The following NRXN3 variants were observed in gnomAD, a reference collection of about 807,000 sequenced individuals.
NRXN3 encodes neurexin 3.
In NRXN3, 32 loss-of-function variants were observed where a neutral mutation model predicts 137.6. That is an observed-to-expected ratio of 0.23 (90% CI 0.18 to 0.31). NRXN3 has a LOEUF of 0.31. Among genes scored for constraint, NRXN3 ranks in the 10% least tolerant of loss-of-function variants. NRXN3 has a pLI of 1.00. For synonymous variants in NRXN3, 798 were observed against 784.5 expected, an observed-to-expected ratio of 1.02 and a Z score of -0.29; for missense variants, 1,574 against 2,062.5, an observed-to-expected ratio of 0.76 and a Z score of 4.59.
intron 4 of NRXN3, among the ~76,000 whole-genome samples, chr14:78,439,953 G>A (rs1421395444): frequency 6.6e-6 from 1 of 152,134 alleles, no homozygotes; most frequent in Non-Finnish European, 1.5e-5. Context: ...ATGCCAGGAA[G>A]GTGGCCTGGC....
chr14:79,754,377 T>C (rs1411013577), intron 19 of NRXN3, among the ~76,000 whole-genome samples: 2 of 150,832 alleles, frequency 1.3e-5, no homozygotes, highest in East Asian at 2.0e-4. Context: ...AGGGAGGATG[T>C]GTATAGATTA....
chr14:79,276,255 G>A (rs938021003), intron 15 of NRXN3, among the ~76,000 whole-genome samples: 5 of 152,150 alleles, frequency 3.3e-5, no homozygotes, highest in African/African-American at 7.2e-5. Flanking sequence ...AAAAGAAGTC[G>A]AAATAGGAAT....
intron 4 of NRXN3, among the ~76,000 whole-genome samples, chr14:78,425,515 G>C (rs2093627817): frequency 2.0e-5 from 3 of 152,176 alleles, no homozygotes. Flanking sequence ...CAGCCATCCA[G>C]ATGGCACCAC....
intron 15 of NRXN3, among the ~76,000 whole-genome samples, chr14:79,260,360 G>A (rs1221200608): frequency 6.6e-6 from 1 of 152,130 alleles, no homozygotes; most frequent in Non-Finnish European, 1.5e-5. Flanking sequence ...CAGGTGGGAA[G>A]TATGATCTGT....
intron 19 of NRXN3, among the ~76,000 whole-genome samples, chr14:79,792,480 T>C (rs1312843179): frequency 3.9e-5 from 6 of 152,214 alleles, no homozygotes; most frequent in Admixed American, 1.3e-4. Context: ...TTTGAATCAA[T>C]ATGTATACAA....
intron 16 of NRXN3, among the ~76,000 whole-genome samples, chr14:79,537,569 G>T (rs565774536): frequency 1.3e-5 from 2 of 152,014 alleles, no homozygotes; most frequent in African/African-American, 2.4e-5. Flanking sequence ...GCAATAGTTT[G>T]CTGAGAATGA....
intron 4 of NRXN3, among the ~76,000 whole-genome samples, chr14:78,306,777 T>C (rs1322668134): frequency 6.6e-6 from 1 of 152,118 alleles, no homozygotes; most frequent in Non-Finnish European, 1.5e-5. Context: ...AGAAAAGCAA[T>C]GCTTATTTGG....
intron 15 of NRXN3, among the ~76,000 whole-genome samples, chr14:79,383,039 A>C (rs2153456642): frequency 6.6e-6 from 1 of 152,062 alleles, no homozygotes; most frequent in East Asian, 1.9e-4. Flanking sequence ...ATTACTGAAA[A>C]ACTTTTGATG....
chr14:79,418,718 C>T (rs12436125), intron 15 of NRXN3, among the ~76,000 whole-genome samples: 49,561 of 151,974 alleles, frequency 0.33, 8,324 homozygotes, highest in Admixed American at 0.39. Flanking sequence ...AAAGGACCCT[C>T]GTGGCAGTAG....
intron 10 of NRXN3, among the ~76,000 whole-genome samples, chr14:78,856,895 A>G (rs1016701219): frequency 4.6e-5 from 7 of 151,984 alleles, no homozygotes; most frequent in Admixed American, 2.6e-4. Flanking sequence ...CACAATGCCA[A>G]GCTAATTTTT....
intron 1 of NRXN3, among the ~76,000 whole-genome samples, chr14:78,215,661 G>T: frequency 6.6e-6 from 1 of 151,520 alleles, no homozygotes; most frequent in Non-Finnish European, 1.5e-5. Flanking sequence ...GTTGGAACTG[G>T]GGAAATAGAC....
chr14:78,797,276 AGAC>A (rs2098824868), intron 8 of NRXN3, among the ~76,000 whole-genome samples: 2 of 152,242 alleles, frequency 1.3e-5, no homozygotes, highest in Admixed American at 6.5e-5. Context: ...GTTAGTGTCC[AGAC>A]TTGTTACAAT....
intron 15 of NRXN3, among the ~76,000 whole-genome samples, chr14:79,020,906 T>C (rs2099588574): frequency 1.4e-5 from 2 of 147,702 alleles, no homozygotes; most frequent in Admixed American, 1.4e-4. Context: ...CCACTCTACA[T>C]CTTTGCCAAT....
At chr14:79,595,516 A>G (rs1306902074) in intron 16 of NRXN3, among the ~76,000 whole-genome samples, 1 of 152,162 alleles carries the variant, frequency 6.6e-6, no homozygotes, top group Non-Finnish European at 1.5e-5. Flanking sequence ...ATTTCAGTAT[A>G]ATTTCCATTT....
chr14:78,496,211 T>C (rs1211326269), intron 4 of NRXN3, among the ~76,000 whole-genome samples: 2 of 152,198 alleles, frequency 1.3e-5, no homozygotes, highest in Non-Finnish European at 2.9e-5. Flanking sequence ...TCTTCAACAT[T>C]ATACAGTGAA....
At chr14:78,589,351 C>A (rs2097095716) in intron 4 of NRXN3, among the ~76,000 whole-genome samples, 1 of 152,184 alleles carries the variant, frequency 6.6e-6, no homozygotes, top group Non-Finnish European at 1.5e-5. Context: ...CTAACAGCTA[C>A]TGTTCCTGAA....
In NRXN3 at chr14:78,715,017, G is replaced by T. The variant is rs1005062934; in HGVS notation, c.1922G>T (p.Arg641Leu). The change falls in exon 8 of 21, where the codon CGG becomes CTG. Residue 641 changes from arginine (R) to leucine (L), a missense_variant. Arg to Leu is a moderately radical substitution (Grantham distance 102). Transcript: ENST00000335750. ...NAAGVKSSCS[R>L]MSAKQCDSYP... ...GCGGGTGTCAAGTCCTCCTGTTCAC[G>T]GATGAGTGCCAAGCAGTGTGACAGC... 1 of 1,613,940 alleles carries T rather than the reference G, an allele frequency of 6.2e-7. No homozygotes were observed. The highest frequency in any genetic ancestry group is 1.3e-5 in the African/African-American group (1 of 74,928).
intron 19 of NRXN3, among the ~76,000 whole-genome samples, chr14:79,792,190 G>GA (rs527645579): frequency 2.3e-4 from 34 of 150,318 alleles, no homozygotes; most frequent in African/African-American, 6.1e-4. Flanking sequence ...TCTCAAAACA[G>GA]AAAAAAAAAG....
intron 4 of NRXN3, among the ~76,000 whole-genome samples, chr14:78,307,050 C>T (rs928499003): frequency 1.3e-5 from 2 of 152,100 alleles, no homozygotes; most frequent in Admixed American, 6.5e-5. Flanking sequence ...AGATCACCCA[C>T]GCTTTACATT....
Sources: gnomAD v4.1 joint callset for allele counts (sites outside exome capture counted in the v4.1 genomes callset) on GRCh38, gnomAD v4.1.1 for gene constraint, MANE v1.5 for transcripts, NCBI Gene and HGNC (gene_info 2026-07-23, HGNC 2026-07-21) for gene names.